The following GALNT18 variants were observed in gnomAD, a reference collection of about 807,000 sequenced individuals.
GALNT18 encodes polypeptide N-acetylgalactosaminyltransferase 18.
A neutral mutation model predicts 69.5 loss-of-function variants in GALNT18; 44 were observed. The observed-to-expected ratio is 0.63, with a 90% CI of 0.50 to 0.81. The LOEUF (loss-of-function observed/expected upper bound fraction) is 0.81. Among genes scored for constraint, GALNT18 ranks in the 40% least tolerant of loss-of-function variants. The pLI is 0.00. For synonymous variants in GALNT18, 364 were observed against 318.2 expected (o/e 1.14, Z -1.53); for missense variants, 715 against 810.0 (o/e 0.88, Z 1.42).
chr11:11,332,981 G>A lies in GALNT18; in HGVS notation c.1279-150C>T, dbSNP rs181863894. On this transcript the variant is annotated intron_variant, in intron 7 of 10. Transcript: ENST00000227756. The surrounding 1 kb of genome is among the most constrained non-coding windows in gnomAD (Gnocchi z 4.3). Reference sequence around the variant, plus strand: ...CACGTTAACTCTTGCATTTTCCCACGGGTACCTTAACCCCGTAACCATCCT... The same window carrying A: ...CACGTTAACTCTTGCATTTTCCCACAGGTACCTTAACCCCGTAACCATCCT... 3.8e-5 allele frequency: 30 copies of A among 786,032 alleles called. No individual in the cohort carries two copies. Among genetic ancestry groups the A allele is most frequent in the Non-Finnish European group, 4.1e-5 (20 of 490,658 alleles). 48.7% of individuals were successfully genotyped at this position (786,032 alleles called of 1,614,324 possible).
chr11:11,465,803 T>C lies in GALNT18; in HGVS notation c.236-16867A>G, dbSNP rs957013192. 6.6e-6 allele frequency among the ~76,000 whole-genome samples: 1 copy of C among 152,136 alleles called. No individual in the cohort carries two copies. Among genetic ancestry groups the C allele is most frequent in the Admixed American group, 6.5e-5 (1 of 15,286 alleles). On this transcript the variant is annotated intron_variant, in intron 1 of 10. Transcript: ENST00000227756. This position sits in a 1 kb window ranked among gnomAD's most constrained non-coding sequence, Gnocchi z 5.7. Reference sequence around the variant, plus strand: ...GGATGTGGAATTACTGCACGATATTTATGTAGGGTACTCAGCTATCTCTAG... The same window carrying C: ...GGATGTGGAATTACTGCACGATATTCATGTAGGGTACTCAGCTATCTCTAG...
At chr11:11,285,461 G>C (rs1293072444) in intron 10 of GALNT18, among the ~76,000 whole-genome samples, 3 of 152,164 alleles carry the variant, frequency 2.0e-5, no homozygotes, top group East Asian at 3.8e-4. Context: ...ACCCAGGTCT[G>C]GGTAGTGGGG....
At chr11:11,526,439 C>G (rs1028557669) in intron 1 of GALNT18, among the ~76,000 whole-genome samples, 3 of 152,164 alleles carry the variant, frequency 2.0e-5, no homozygotes, top group South Asian at 4.1e-4. Context: ...TTACTTCTTT[C>G]ATTGTCTTTC....
chr11:11,621,237 C>T lies in GALNT18; in HGVS notation c.235+122G>A, dbSNP rs999743484. ...TCACACGCAGGCCCCACGACTACCA[C>T]GCATCTGCGGCCCCAGAGCCCCGCC... On this transcript the variant is annotated intron_variant, in intron 1 of 10. Coordinates refer to ENST00000227756, the MANE Select transcript of GALNT18 (RefSeq NM_198516.3). This position sits in a 1 kb window ranked among gnomAD's most constrained non-coding sequence, Gnocchi z 9.3. The T allele has an allele frequency of 1.2e-5, 9 of 746,258 alleles. No homozygotes were observed. Among genetic ancestry groups the T allele is most frequent in the Middle Eastern group, 3.7e-4 (1 of 2,670 alleles). 46.2% of individuals were successfully genotyped at this position (746,258 alleles called of 1,614,324 possible). A position where few individuals can be genotyped will look rare whatever the true frequency, so the allele number is the denominator to read the frequency against.
chr11:11,332,799 T>C lies in GALNT18; in HGVS notation c.1311A>G (p.Ala437=), dbSNP rs901553. The change falls in exon 8 of 11, where the codon GCA becomes GCG. Residue 437 remains alanine, a synonymous_variant. Coordinates refer to ENST00000227756, the MANE Select transcript of GALNT18 (RefSeq NM_198516.3). The surrounding 1 kb of genome is among the most constrained non-coding windows in gnomAD (Gnocchi z 4.3). ...GCAGCTGTTTCCTGAGAGCCTTCCT[T>C]GCAGTGATGTCCCCAATGTCAATTC... ...DSGIDIGDIT[A]RKALRKQLQC... is the part of the protein sequence containing the mutation. 631,718 of 1,613,158 alleles carry C rather than the reference T, an allele frequency of 0.39. 126,145 individuals carry two copies. Among genetic ancestry groups the C allele is most frequent in the East Asian group, 0.56 (25,229 of 44,860 alleles).
chr11:11,554,172 T>C (rs773823430), intron 1 of GALNT18, among the ~76,000 whole-genome samples: 11 of 152,188 alleles, frequency 7.2e-5, no homozygotes, highest in Non-Finnish European at 1.5e-5. Flanking sequence ...CAAGCACCCA[T>C]GCACCTGTGA....
chr11:11,486,190 A>T (rs564149146), intron 1 of GALNT18, among the ~76,000 whole-genome samples: 11 of 152,284 alleles, frequency 7.2e-5, no homozygotes, highest in Admixed American at 5.2e-4. Context: ...CCCTTGTCAG[A>T]GGCTTGGCAC....
In GALNT18 at chr11:11,586,698, G is replaced by A. The variant is rs1364025602; in HGVS notation, c.235+34661C>T. Reference sequence around the variant, plus strand: ...TTCTTAAAATACTGAAATAGGCCGGGCTTGGTAGCTCATGCCTGTAATCAC... The same window carrying A: ...TTCTTAAAATACTGAAATAGGCCGGACTTGGTAGCTCATGCCTGTAATCAC... On this transcript the variant is annotated intron_variant, in intron 1 of 10. Transcript: ENST00000227756. This position sits in a 1 kb window ranked among gnomAD's most constrained non-coding sequence, Gnocchi z 4.1. 6.6e-6 allele frequency among the ~76,000 whole-genome samples: 1 copy of A among 152,158 alleles called. No homozygotes were observed. Among genetic ancestry groups the A allele is most frequent in the African/African-American group, 2.4e-5 (1 of 41,430 alleles).
chr11:11,364,704 G>A (rs564851161), intron 6 of GALNT18, among the ~76,000 whole-genome samples: 5 of 152,170 alleles, frequency 3.3e-5, no homozygotes, highest in African/African-American at 1.2e-4. Context: ...TAGAATATTT[G>A]ACAGTATTAC....
At chr11:11,312,484 G>A (rs926349178) in intron 9 of GALNT18, among the ~76,000 whole-genome samples, 2 of 152,310 alleles carry the variant, frequency 1.3e-5, no homozygotes, top group African/African-American at 4.8e-5. Context: ...TCCAAAGAAT[G>A]GTGGGTGGAG....
intron 3 of GALNT18, among the ~76,000 whole-genome samples, chr11:11,397,730 CA>C (rs138350414): frequency 0.078 from 11,901 of 152,300 alleles, 655 homozygotes; most frequent in Admixed American, 0.15. Flanking sequence ...TTCAGCCTCC[CA>C]AAGTGCTGGG....
At chr11:11,316,925 G>C (rs1001648313) in intron 9 of GALNT18, among the ~76,000 whole-genome samples, 17 of 152,196 alleles carry the variant, frequency 1.1e-4, no homozygotes, top group African/African-American at 4.1e-4. Flanking sequence ...TGTAATGCTT[G>C]ACGTAAAATA....
intron 3 of GALNT18, among the ~76,000 whole-genome samples, chr11:11,425,845 G>A (rs997892079): frequency 6.6e-6 from 1 of 152,244 alleles, no homozygotes; most frequent in African/African-American, 2.4e-5. Context: ...AAAGAACGAA[G>A]CAATGAATGC....
chr11:11,310,618 G>C (rs780448845), intron 9 of GALNT18, among the ~76,000 whole-genome samples: 45 of 152,112 alleles, frequency 3.0e-4, no homozygotes, highest in Middle Eastern at 3.2e-3. Context: ...ATTTAATAGT[G>C]CACTTTTGAG....
chr11:11,326,827 C>T (rs147691681), intron 9 of GALNT18, among the ~76,000 whole-genome samples: 1 of 152,198 alleles, frequency 6.6e-6, no homozygotes, highest in Admixed American at 6.5e-5. Flanking sequence ...AGAAGTGTAA[C>T]CCCTTTCCTC....
At chr11:11,329,367 C>A (rs1189886503) in intron 8 of GALNT18, among the ~76,000 whole-genome samples, 1 of 152,150 alleles carries the variant, frequency 6.6e-6, no homozygotes, top group African/African-American at 2.4e-5. Flanking sequence ...TAATGACTAG[C>A]CAGCCCAGAG....
At chr11:11,271,347 C>G in intron 10 of GALNT18, 57 bp from the exon 11 acceptor site, 1 of 1,575,204 alleles carries the variant, frequency 6.3e-7, no homozygotes, top group Non-Finnish European at 8.7e-7. Context: ...TGCAGAAATT[C>G]GGGAGCCTCA....
At position 11,587,179 on chromosome 11, in the gene GALNT18, G is replaced by A. The variant is rs994849757; in HGVS notation, c.235+34180C>T. On this transcript the variant is annotated intron_variant, in intron 1 of 10. Coordinates refer to ENST00000227756, the MANE Select transcript of GALNT18 (RefSeq NM_198516.3). This position sits in a 1 kb window ranked among gnomAD's most constrained non-coding sequence, Gnocchi z 4.4. ...ACAGCAATTTGCTCTAGCACTATAT[G>A]ACTGGTTCTGATTGGACACTGCCAA... Among the ~76,000 whole-genome samples the A allele has an allele frequency of 2.4e-4, 37 of 152,126 alleles. No individual in the cohort carries two copies. Among genetic ancestry groups the A allele is most frequent in the Non-Finnish European group, 3.8e-4 (26 of 68,032 alleles).
At position 11,590,399 on chromosome 11, in the gene GALNT18, G is replaced by C. The variant is rs1403265521; in HGVS notation, c.235+30960C>G. On this transcript the variant is annotated intron_variant, in intron 1 of 10. Transcript: ENST00000227756. This position sits in a 1 kb window ranked among gnomAD's most constrained non-coding sequence, Gnocchi z 4.4. ...ACAAGGAACTTCCACATTGCTTGTT[G>C]GGTAAGTGAGGGATATTTTCATTGT... 6.6e-6 allele frequency among the ~76,000 whole-genome samples: 1 copy of C among 152,226 alleles called. No homozygotes were observed. The highest frequency in any genetic ancestry group is 2.4e-5 in the African/African-American group (1 of 41,460).
Sources: allele counts gnomAD v4.1 joint callset (sites outside exome capture counted in the v4.1 genomes callset), GRCh38; gene constraint gnomAD v4.1.1; non-coding constraint Gnocchi (gnomAD v3.1); transcripts MANE v1.5; gene names NCBI Gene and HGNC (gene_info 2026-07-23, HGNC 2026-07-21).